The following LPP variants were observed in gnomAD, a reference collection of about 807,000 sequenced individuals.
LPP encodes the protein lipoma-preferred partner.
Under a neutral mutation model 60.4 loss-of-function variants are expected in LPP, and 38 were observed. The ratio of observed to expected loss-of-function variants is 0.63; its 90% CI spans 0.49 to 0.83. LPP has a LOEUF of 0.83. LPP is among the 40% of genes least tolerant of loss of function. The pLI, the probability that LPP is intolerant of heterozygous loss-of-function variation, is 0.00. For missense variants in LPP, 902 were observed against 783.6 expected (o/e 1.15, Z -1.80); for synonymous variants, 328 against 290.8 (o/e 1.13, Z -1.30).
chr3:188,327,886 T>C (rs1340464243), intron 2 of LPP, among the ~76,000 whole-genome samples: 1 of 152,182 alleles, frequency 6.6e-6, no homozygotes, highest in Non-Finnish European at 1.5e-5. Context: ...TTATGTATAA[T>C]GATATTTACC....
chr3:188,339,141 A>G (rs1307254556), intron 2 of LPP, among the ~76,000 whole-genome samples: 1 of 152,188 alleles, frequency 6.6e-6, no homozygotes, highest in East Asian at 1.9e-4. Flanking sequence ...GGATGCAGAC[A>G]TGTCAGGTTC....
chr3:188,671,848 T>G (rs551400478), intron 7 of LPP, among the ~76,000 whole-genome samples: 1 of 152,298 alleles, frequency 6.6e-6, no homozygotes, highest in African/African-American at 2.4e-5. Context: ...AAGTTGCATT[T>G]GAATATAATA....
intron 6 of LPP, 99 bp downstream of exon 6, chr3:188,524,886 TCC>T (rs1820048275): frequency 1.6e-4 from 17 of 106,404 alleles, no homozygotes; most frequent in African/African-American, 3.3e-4. Context: ...TCCCCTTCCT[TCC>T]TTCCGTCCGT....
chr3:188,730,168 G>A (rs1420803622), intron 8 of LPP, among the ~76,000 whole-genome samples: 1 of 152,118 alleles, frequency 6.6e-6, no homozygotes, highest in African/African-American at 2.4e-5. Context: ...TGTTTGTGCT[G>A]GTCCCACCTT....
intron 7 of LPP, among the ~76,000 whole-genome samples, chr3:188,644,964 A>G (rs941203919): frequency 6.6e-6 from 1 of 152,212 alleles, no homozygotes. Context: ...TGTGACCTTG[A>G]ATTATTGAAG....
intron 5 of LPP, among the ~76,000 whole-genome samples, chr3:188,504,764 C>G (rs2149923426): frequency 6.6e-6 from 1 of 150,920 alleles, no homozygotes; most frequent in South Asian, 2.1e-4. Flanking sequence ...GGTCTGTCTC[C>G]CAAAATGAGA....
At chr3:188,856,519 T>C (rs995137779) in intron 9 of LPP, among the ~76,000 whole-genome samples, 2 of 152,204 alleles carry the variant, frequency 1.3e-5, no homozygotes, top group African/African-American at 2.4e-5. Flanking sequence ...GAAAAGAGCT[T>C]TATAACAATA....
chr3:188,857,904 G>A (rs1764218036), intron 9 of LPP, among the ~76,000 whole-genome samples: 1 of 152,170 alleles, frequency 6.6e-6, no homozygotes, highest in African/African-American at 2.4e-5. Context: ...TTGAATAAAT[G>A]TCTTAGCCCC....
chr3:188,347,649 C>T (rs7372241), intron 3 of LPP, among the ~76,000 whole-genome samples: 148,758 of 152,282 alleles, frequency 0.98, 72,713 homozygotes, highest in African/African-American at 1. Context: ...CTTCTGACCA[C>T]GCACAGATCA....
At chr3:188,603,500 T>C (rs1841837472) in intron 6 of LPP, among the ~76,000 whole-genome samples, 2 of 152,128 alleles carry the variant, frequency 1.3e-5, no homozygotes, top group African/African-American at 4.8e-5. Flanking sequence ...CCTTGGGCAG[T>C]TACTTAATCT....
intron 2 of LPP, among the ~76,000 whole-genome samples, chr3:188,226,382 T>G (rs1717776390): frequency 6.6e-6 from 1 of 152,136 alleles, no homozygotes; most frequent in Admixed American, 6.5e-5. Flanking sequence ...TGAGCCTTTG[T>G]TTTAAAGGGC....
At position 188,449,896 on chromosome 3, in the gene LPP, C is replaced by T. The variant is rs141798385; in HGVS notation, c.194-34696C>T. 1.8e-3 allele frequency among the ~76,000 whole-genome samples: 270 copies of T among 152,218 alleles called. 2 individuals carry two copies. Among genetic ancestry groups the T allele is most frequent in the Middle Eastern group, 0.01 (3 of 294 alleles). ...CTCAGCTCACTGCAACCTCTGCCTC[C>T]CAGGTTCAAGCAATTCTTCTGCCTC... On this transcript the variant is annotated intron_variant, in intron 4 of 11. Coordinates refer to ENST00000617246, the MANE Select transcript of LPP (RefSeq NM_001375462.1).
chr3:188,371,901 G>A (rs1356585063), intron 3 of LPP, among the ~76,000 whole-genome samples: 11 of 151,096 alleles, frequency 7.3e-5, no homozygotes, highest in African/African-American at 1.5e-4. Flanking sequence ...CAAGTGATCC[G>A]CCCGTCTTGG....
chr3:188,432,130 T>C (rs1791049159), intron 4 of LPP, among the ~76,000 whole-genome samples: 1 of 152,128 alleles, frequency 6.6e-6, no homozygotes, highest in Admixed American at 6.6e-5. Context: ...ATATTTCCAT[T>C]TTTCAAGTGA....
chr3:188,823,022 T>C (rs1754423291), intron 9 of LPP, among the ~76,000 whole-genome samples: 1 of 152,140 alleles, frequency 6.6e-6, no homozygotes, highest in Admixed American at 6.6e-5. Context: ...CCTGTAGAGA[T>C]ACTTGGACAT....
In LPP at chr3:188,262,178, G is replaced by A. The variant is rs372140950; in HGVS notation, c.-67+36651G>A. On this transcript the variant is annotated intron_variant, in intron 2 of 11. Transcript: ENST00000617246. ...TTTGAGGCAGTGCAGAGTTGATGAT[G>A]ATGGTCTCCAGCCTGCCTTTCCTTT... 3.7e-4 allele frequency among the ~76,000 whole-genome samples: 57 copies of A among 152,236 alleles called. No individual in the cohort carries two copies. The South Asian group carries it at 0.012, about 32-fold the overall frequency.
At chr3:188,530,732 A>G (rs1466017462) in intron 6 of LPP, among the ~76,000 whole-genome samples, 2 of 152,208 alleles carry the variant, frequency 1.3e-5, no homozygotes, top group Admixed American at 1.3e-4. Context: ...GTCTTCTTTA[A>G]AATAAGTCTC....
chr3:188,169,375 A>G (rs1261804642), intron 1 of LPP, among the ~76,000 whole-genome samples: 1 of 152,222 alleles, frequency 6.6e-6, no homozygotes, highest in African/African-American at 2.4e-5. Context: ...GTTTGGATAC[A>G]CCTTGATTCA....
intron 8 of LPP, among the ~76,000 whole-genome samples, chr3:188,726,534 A>C (rs1409628533): frequency 1.3e-5 from 2 of 152,190 alleles, no homozygotes; most frequent in African/African-American, 2.4e-5. Context: ...ATGACACATA[A>C]ATAAAATACA....
Sources: gnomAD v4.1 joint callset for allele counts (sites outside exome capture counted in the v4.1 genomes callset) on GRCh38, gnomAD v4.1.1 for gene constraint, MANE v1.5 for transcripts, NCBI Gene and HGNC (gene_info 2026-07-23, HGNC 2026-07-21) for gene names.